Variants in PITPNC1 observed in about 807,000 individuals in gnomAD.
PITPNC1 encodes the protein phosphatidylinositol transfer protein cytoplasmic 1.
PITPNC1 carries 18 observed loss-of-function variants against 44.7 expected under a neutral mutation model. That is an observed-to-expected ratio of 0.40 (90% CI 0.28 to 0.60). The LOEUF is 0.60. Ranked by LOEUF, PITPNC1 falls within the 20% of genes least tolerant of loss-of-function variation. PITPNC1 has a pLI of 0.39. For synonymous variants in PITPNC1, 141 were observed against 149.6 expected, an observed-to-expected ratio of 0.94 and a Z score of 0.42; for missense variants, 290 against 418.4, an observed-to-expected ratio of 0.69 and a Z score of 2.68.
intron 1 of PITPNC1, among the ~76,000 whole-genome samples, chr17:67,455,719 G>A (rs1435081337): frequency 2.0e-5 from 3 of 152,026 alleles, no homozygotes; most frequent in African/African-American, 7.3e-5. Context: ...TGGGATTACA[G>A]ACGTGAGCCA....
At chr17:67,574,399 G>A (rs983961197) in intron 4 of PITPNC1, among the ~76,000 whole-genome samples, 18 of 152,218 alleles carry the variant, frequency 1.2e-4, no homozygotes, top group Admixed American at 3.3e-4. Flanking sequence ...GGATGTGTCA[G>A]TGTTTCTATC....
At chr17:67,513,323 A>C (rs1161259950) in intron 1 of PITPNC1, among the ~76,000 whole-genome samples, 3 of 150,810 alleles carry the variant, frequency 2.0e-5, no homozygotes, top group African/African-American at 7.3e-5. Context: ...CCACCACTGC[A>C]CTCCAGCCTG....
intron 6 of PITPNC1, among the ~76,000 whole-genome samples, chr17:67,641,826 C>A (rs1444724647): frequency 9.7e-6 from 1 of 102,680 alleles, no homozygotes; most frequent in East Asian, 3.3e-4. Flanking sequence ...TAATAATAAG[C>A]GAGTGTACGG....
intron 8 of PITPNC1, among the ~76,000 whole-genome samples, chr17:67,683,162 CAAAA>C (rs901577194): frequency 0.015 from 629 of 41,468 alleles, 2 homozygotes; most frequent in African/African-American, 0.044. Flanking sequence ...AACTGAGTCT[CAAAA>C]AAAAAAAAAA....
intron 5 of PITPNC1, among the ~76,000 whole-genome samples, chr17:67,620,993 CCTGGCGTCTCTGGA>C (rs2041821595): frequency 6.6e-6 from 1 of 152,064 alleles, no homozygotes; most frequent in Non-Finnish European, 1.5e-5. Flanking sequence ...ATATTCCTGG[CCTGGCGTCTCTGGA>C]CCACACTGCA....
chr17:67,520,594 A>C (rs1475403073), intron 1 of PITPNC1, among the ~76,000 whole-genome samples: 1 of 152,160 alleles, frequency 6.6e-6, no homozygotes, highest in East Asian at 1.9e-4. Context: ...TCTTGTTTGC[A>C]GCTCTGCCTC....
At chr17:67,577,509 C>G (rs1476680520) in intron 4 of PITPNC1, among the ~76,000 whole-genome samples, 1 of 146,662 alleles carries the variant, frequency 6.8e-6, no homozygotes, top group Non-Finnish European at 1.5e-5. Context: ...TGCAGTGAGC[C>G]GAGACCACAC....
intron 1 of PITPNC1, among the ~76,000 whole-genome samples, chr17:67,516,248 C>T (rs1030317087): frequency 3.2e-4 from 49 of 152,172 alleles, no homozygotes; most frequent in African/African-American, 1.2e-3. Context: ...GCCTTTTTAT[C>T]TGCATGTCAA....
Position 67,577,709 on chromosome 17 carries a change from G to T in PITPNC1, c.295-477G>T, listed in dbSNP as rs987392415. On this transcript the variant is annotated intron_variant, in intron 4 of 8. Transcript: ENST00000581322. ...TATGTTTTAAAAATTAAAAATAAAA[G>T]CCAGGTCTGTCTGACTTCAATAATC... Among the ~76,000 whole-genome samples, 5 of 151,202 alleles carry T rather than the reference G, an allele frequency of 3.3e-5. 1 individual carries two copies. The highest frequency in any genetic ancestry group is 1.3e-4 in the Admixed American group (2 of 15,198).
chr17:67,497,286 C>T (rs572866095), intron 1 of PITPNC1, among the ~76,000 whole-genome samples: 5 of 150,508 alleles, frequency 3.3e-5, no homozygotes, highest in African/African-American at 4.9e-5. Context: ...ATGGCGCAAT[C>T]GTGGCTCACT....
At chr17:67,635,224 G>A (rs188479807) in intron 6 of PITPNC1, among the ~76,000 whole-genome samples, 16 of 152,292 alleles carry the variant, frequency 1.1e-4, no homozygotes, top group South Asian at 2.1e-4. Flanking sequence ...TTATATTGTC[G>A]GTTACTTAGG....
chr17:67,409,560 C>T (rs921083513), intron 1 of PITPNC1, among the ~76,000 whole-genome samples: 23 of 150,896 alleles, frequency 1.5e-4, no homozygotes, highest in Admixed American at 6.0e-4. Context: ...GGTGGCGGGG[C>T]GGAGTTTCAC....
At chr17:67,546,091 G>C (rs1318867633) in intron 2 of PITPNC1, among the ~76,000 whole-genome samples, 1 of 151,946 alleles carries the variant, frequency 6.6e-6, no homozygotes, top group Non-Finnish European at 1.5e-5. Flanking sequence ...TACTCGGGAG[G>C]CTGAGGCAGG....
rs754137801 is a variant in PITPNC1, at chr17:67,675,459, C to T, written c.619-20C>T. 35 of 1,556,766 alleles carry T rather than the reference C, an allele frequency of 2.2e-5. No homozygotes were observed. Reference sequence around the variant, plus strand: ...TCATCAAAGATGCTATTATTTCAGTCTCCTTCTTTTACTTTTTAGGTGGTC... The same window carrying T: ...TCATCAAAGATGCTATTATTTCAGTTTCCTTCTTTTACTTTTTAGGTGGTC... On this transcript the variant is annotated intron_variant, in intron 7 of 8. Transcript: ENST00000581322.
At position 67,542,244 on chromosome 17, in the gene PITPNC1, G is replaced by T. The variant is rs141543890; in HGVS notation, c.197+9294G>T. Among the ~76,000 whole-genome samples the T allele has an allele frequency of 1.4e-3, 217 of 152,298 alleles. 1 individual carries two copies. Among genetic ancestry groups the T allele is most frequent in the African/African-American group, 4.5e-3 (186 of 41,562 alleles). The stretch of plus-strand genomic sequence containing the variant: ...TTTAAAAAGTTCTTGGGCGTATTTG[G>T]TAGAGTATGGATGCATATTTTGGAA... On this transcript the variant is annotated intron_variant, in intron 2 of 8. Transcript: ENST00000581322.
intron 1 of PITPNC1, among the ~76,000 whole-genome samples, chr17:67,396,556 G>A (rs2038223296): frequency 6.6e-6 from 1 of 151,900 alleles, no homozygotes; most frequent in African/African-American, 2.4e-5. Flanking sequence ...TTTTAGTAGG[G>A]ACGGGGTTTC....
Position 67,489,537 on chromosome 17 carries a change from A to G in PITPNC1, c.49-43265A>G, listed in dbSNP as rs192454487. ...GCTCACGGGATTCACCTTGTGGCTTATTGATGTCCAGACCCCGCCTCTGAT... is the reference window on the plus strand; with the variant it reads ...GCTCACGGGATTCACCTTGTGGCTTGTTGATGTCCAGACCCCGCCTCTGAT... On this transcript the variant is annotated intron_variant, in intron 1 of 8. Coordinates refer to ENST00000581322, the MANE Select transcript of PITPNC1 (RefSeq NM_012417.4). Among the ~76,000 whole-genome samples, 10 of 152,234 alleles carry G rather than the reference A, an allele frequency of 6.6e-5. 1 individual carries two copies. The East Asian group carries it at 1.9e-3, about 29-fold the overall frequency.
At chr17:67,473,972 T>G (rs1252167491) in intron 1 of PITPNC1, among the ~76,000 whole-genome samples, 1 of 152,200 alleles carries the variant, frequency 6.6e-6, no homozygotes, top group Non-Finnish European at 1.5e-5. Context: ...ATCCTCTCAT[T>G]TATTTATATC....
chr17:67,483,080 C>G (rs1336213033), intron 1 of PITPNC1, among the ~76,000 whole-genome samples: 2 of 152,184 alleles, frequency 1.3e-5, no homozygotes, highest in Non-Finnish European at 2.9e-5. Context: ...TCCTGATCTG[C>G]AGGAGTGATG....
Sources: allele counts gnomAD v4.1 joint callset (sites outside exome capture counted in the v4.1 genomes callset), GRCh38; gene constraint gnomAD v4.1.1; transcripts MANE v1.5; gene names NCBI Gene and HGNC (gene_info 2026-07-23, HGNC 2026-07-21).